Variants in SCFD2 observed in about 807,000 individuals in gnomAD.
The protein encoded by SCFD2 is sec1 family domain-containing protein 2.
A neutral mutation model predicts 58.9 loss-of-function variants in SCFD2; 54 were observed. The ratio of observed to expected loss-of-function variants is 0.92; its 90% confidence interval spans 0.74 to 1.15. SCFD2 has a LOEUF of 1.15. Among genes scored for constraint, SCFD2 ranks in the 50% most tolerant of loss-of-function variants. The probability of loss-of-function intolerance (pLI) is 0.00; values close to 1 mark genes in which losing one functional copy is unlikely to be tolerated. For synonymous variants in SCFD2, 321 were observed against 335.9 expected (o/e 0.96, Z 0.49); for missense variants, 805 against 836.6 (o/e 0.96, Z 0.47).
At chr4:53,329,537 G>C (rs1323241421) in intron 2 of SCFD2, among the ~76,000 whole-genome samples, 1 of 149,170 alleles carries the variant, frequency 6.7e-6, no homozygotes, top group Non-Finnish European at 1.5e-5. Flanking sequence ...TGAGGGTCCT[G>C]TCTGTTAGAA....
chr4:53,268,268 T>C (rs2149062437), intron 4 of SCFD2, among the ~76,000 whole-genome samples: 1 of 151,838 alleles, frequency 6.6e-6, no homozygotes, highest in South Asian at 2.1e-4. Context: ...GGCATCCACG[T>C]GGAAGGTGGT....
chr4:53,094,619 A>T (rs1724564763), intron 5 of SCFD2, among the ~76,000 whole-genome samples: 1 of 152,060 alleles, frequency 6.6e-6, no homozygotes, highest in African/African-American at 2.4e-5. Context: ...ATAACAAAGT[A>T]TTGGCAACTC....
intron 1 of SCFD2, among the ~76,000 whole-genome samples, chr4:53,355,185 G>A (rs755300773): frequency 1.3e-5 from 2 of 152,290 alleles, no homozygotes; most frequent in African/African-American, 2.4e-5. Flanking sequence ...CATATATTCC[G>A]TTAGTTCTGT....
chr4:53,229,145 C>T (rs888625720), intron 4 of SCFD2, among the ~76,000 whole-genome samples: 9 of 152,082 alleles, frequency 5.9e-5, no homozygotes, highest in African/African-American at 1.7e-4. Flanking sequence ...GGAAGAACAT[C>T]CCATGCTCAT....
chr4:53,234,974 G>A (rs185289433), intron 4 of SCFD2, among the ~76,000 whole-genome samples: 9 of 152,302 alleles, frequency 5.9e-5, no homozygotes, highest in Admixed American at 3.9e-4. Flanking sequence ...AACCGACCAC[G>A]GTCTTCCCAT....
chr4:53,181,612 C>G (rs1440104945), intron 4 of SCFD2, among the ~76,000 whole-genome samples: 1 of 152,162 alleles, frequency 6.6e-6, no homozygotes, highest in South Asian at 2.1e-4. Flanking sequence ...GAGATGCCCT[C>G]TCTCACCACT....
intron 5 of SCFD2, among the ~76,000 whole-genome samples, chr4:53,117,143 GA>G (rs1434574565): frequency 1.3e-5 from 2 of 152,268 alleles, no homozygotes; most frequent in East Asian, 3.9e-4. Context: ...GGGAATTCCA[GA>G]CCACGCTGAC....
chr4:53,134,072 T>G (rs1478151208), intron 5 of SCFD2, among the ~76,000 whole-genome samples: 1 of 152,174 alleles, frequency 6.6e-6, no homozygotes, highest in Non-Finnish European at 1.5e-5. Context: ...GTAAGTGAAA[T>G]ATGCCAGTTA....
intron 6 of SCFD2, among the ~76,000 whole-genome samples, chr4:52,914,456 G>A (rs1005718518): frequency 6.6e-6 from 1 of 152,156 alleles, no homozygotes; most frequent in Non-Finnish European, 1.5e-5. Context: ...CTTGAAACCA[G>A]TCCAAGTAGC....
At chr4:53,299,778 G>A (rs981043405) in intron 3 of SCFD2, among the ~76,000 whole-genome samples, 1 of 152,094 alleles carries the variant, frequency 6.6e-6, no homozygotes, top group Admixed American at 6.5e-5. Flanking sequence ...CCAGAAGAGA[G>A]TGGGTGCCAA....
chr4:52,990,526 T>C (rs1322000866), intron 5 of SCFD2, among the ~76,000 whole-genome samples: 1 of 152,210 alleles, frequency 6.6e-6, no homozygotes, highest in Non-Finnish European at 1.5e-5. Flanking sequence ...AGGTGGAGGC[T>C]AGCATTATTC....
intron 2 of SCFD2, among the ~76,000 whole-genome samples, chr4:53,330,566 G>A (rs6821113): frequency 0.6 from 91,065 of 151,808 alleles, 27,451 homozygotes; most frequent in Middle Eastern, 0.66. Context: ...GTCACCACCA[G>A]GCCTGCTTTA....
At chr4:53,290,416 CTT>C (rs1467823257) in intron 3 of SCFD2, among the ~76,000 whole-genome samples, 3 of 152,020 alleles carry the variant, frequency 2.0e-5, no homozygotes, top group Admixed American at 1.3e-4. Context: ...TTAAAAATAT[CTT>C]GAGACAAACA....
At chr4:53,160,580 TG>T (rs1462297898) in intron 4 of SCFD2, among the ~76,000 whole-genome samples, 2 of 151,974 alleles carry the variant, frequency 1.3e-5, no homozygotes, top group African/African-American at 4.8e-5. Context: ...TGGTGTAAAA[TG>T]TAAGAATGGG....
intron 4 of SCFD2, among the ~76,000 whole-genome samples, chr4:53,217,115 A>T (rs1363827846): frequency 6.6e-6 from 1 of 152,158 alleles, no homozygotes; most frequent in Non-Finnish European, 1.5e-5. Flanking sequence ...AGAAGAATGT[A>T]TATTCTGTTG....
intron 5 of SCFD2, among the ~76,000 whole-genome samples, chr4:53,141,386 A>G (rs1188321299): frequency 6.6e-6 from 1 of 152,222 alleles, no homozygotes; most frequent in Non-Finnish European, 1.5e-5. Context: ...CTGAATTACT[A>G]TGATGAACAA....
chr4:53,278,784 C>T (rs1217563882), intron 3 of SCFD2, among the ~76,000 whole-genome samples: 1 of 151,652 alleles, frequency 6.6e-6, no homozygotes, highest in African/African-American at 2.4e-5. Flanking sequence ...TGACACTACT[C>T]CTTCGTTAGG....
At chr4:53,362,218 A>G (rs987678571) in intron 1 of SCFD2, among the ~76,000 whole-genome samples, 1 of 152,134 alleles carries the variant, frequency 6.6e-6, no homozygotes. Flanking sequence ...GAAGAAGAAC[A>G]TCCCAAGCAG....
intron 6 of SCFD2, among the ~76,000 whole-genome samples, chr4:52,913,410 G>A (rs1196720188): frequency 1.3e-5 from 2 of 152,256 alleles, no homozygotes; most frequent in South Asian, 2.1e-4. Context: ...TGTGAACTGC[G>A]CATGTGAGGG....
Sources: gnomAD v4.1 joint callset for allele counts (sites outside exome capture counted in the v4.1 genomes callset) on GRCh38, gnomAD v4.1.1 for gene constraint, MANE v1.5 for transcripts, NCBI Gene and HGNC (gene_info 2026-07-23, HGNC 2026-07-21) for gene names.